The following CCBE1 variants were observed in gnomAD, a reference collection of about 807,000 sequenced individuals.
CCBE1 encodes the protein collagen and calcium-binding EGF domain-containing protein 1.
CCBE1 carries 37 observed loss-of-function variants against 50.0 expected under a neutral mutation model. The ratio of observed to expected loss-of-function variants is 0.74; its 90% CI spans 0.57 to 0.97. CCBE1 has a LOEUF of 0.97. CCBE1 is among the 50% of genes least tolerant of loss of function. The probability of loss-of-function intolerance (pLI) is 0.00; values close to 1 mark genes in which losing one functional copy is unlikely to be tolerated. For synonymous variants in CCBE1, 234 were observed against 203.7 expected (o/e 1.15, Z -1.27); for missense variants, 538 against 523.8 (o/e 1.03, Z -0.26).
intron 2 of CCBE1, among the ~76,000 whole-genome samples, chr18:59,524,383 A>G (rs982456636): frequency 3.9e-5 from 6 of 152,174 alleles, no homozygotes; most frequent in African/African-American, 1.4e-4. Flanking sequence ...TTTATTTTGC[A>G]CTTTGTTTTG....
chr18:59,536,994 A>G (rs1229606373), intron 2 of CCBE1, among the ~76,000 whole-genome samples: 48 of 151,842 alleles, frequency 3.2e-4, no homozygotes, highest in Non-Finnish European at 5.9e-5. Context: ...CTGTCTCAAA[A>G]AAAAAAAAAA....
Position 59,465,979 on chromosome 18 carries a change from TAGA to T in CCBE1, c.553+757_553+759del, listed in dbSNP as rs1416561791. Among the ~76,000 whole-genome samples, 7 of 152,244 alleles carry T rather than the reference TAGA, an allele frequency of 4.6e-5. No individual in the cohort carries two copies. In the East Asian group the frequency reaches 1.4e-3, roughly 29 times the overall value. Reference sequence around the variant, plus strand: ...GGGCATCACTCTTATTCTTTCTCTTTAGAAGGAGTTTGAACTTATATTCTCTTC... The same window carrying T: ...GGGCATCACTCTTATTCTTTCTCTTTAGGAGTTTGAACTTATATTCTCTTC... On this transcript the variant is annotated intron_variant, in intron 5 of 10. Coordinates refer to ENST00000439986, the MANE Select transcript of CCBE1 (RefSeq NM_133459.4).
At chr18:59,646,748 C>T (rs1255380848) in intron 2 of CCBE1, among the ~76,000 whole-genome samples, 1 of 152,230 alleles carries the variant, frequency 6.6e-6, no homozygotes, top group Non-Finnish European at 1.5e-5. Flanking sequence ...CAAAACGGTA[C>T]TTCCCGATGA....
intron 2 of CCBE1, among the ~76,000 whole-genome samples, chr18:59,491,063 G>T (rs1022129480): frequency 6.6e-6 from 1 of 152,112 alleles, no homozygotes; most frequent in Admixed American, 6.5e-5. Flanking sequence ...AAAGACCTGG[G>T]CATTTATTTA....
intron 2 of CCBE1, among the ~76,000 whole-genome samples, chr18:59,495,034 G>C (rs900245214): frequency 6.6e-6 from 1 of 152,192 alleles, no homozygotes. Context: ...CCAGTTACTT[G>C]TGGGGCTGAG....
At chr18:59,664,726 A>T (rs1225909346) in intron 2 of CCBE1, among the ~76,000 whole-genome samples, 1 of 152,200 alleles carries the variant, frequency 6.6e-6, no homozygotes, top group African/African-American at 2.4e-5. Context: ...AAGACAATTC[A>T]GAGGCTGAGA....
chr18:59,657,913 C>G (rs1294923193), intron 2 of CCBE1, among the ~76,000 whole-genome samples: 1 of 151,384 alleles, frequency 6.6e-6, no homozygotes, highest in Non-Finnish European at 1.5e-5. Flanking sequence ...ACAACAGAAA[C>G]AGATACATTA....
chr18:59,473,511 C>T (rs1912136497), intron 3 of CCBE1, among the ~76,000 whole-genome samples: 1 of 152,128 alleles, frequency 6.6e-6, no homozygotes, highest in Non-Finnish European at 1.5e-5. Context: ...CTTACTCCCT[C>T]TGTGTGGAAT....
chr18:59,544,510 C>A (rs751054849), intron 2 of CCBE1, among the ~76,000 whole-genome samples: 2 of 152,184 alleles, frequency 1.3e-5, no homozygotes, highest in Non-Finnish European at 2.9e-5. Context: ...CTCACATGCA[C>A]CCATGTATTG....
At chr18:59,492,856 A>G (rs780615778) in intron 2 of CCBE1, among the ~76,000 whole-genome samples, 1 of 152,228 alleles carries the variant, frequency 6.6e-6, no homozygotes, top group Non-Finnish European at 1.5e-5. Flanking sequence ...ACAACTGTGC[A>G]TGGAGCCCTT....
chr18:59,535,510 T>G (rs1375262512), intron 2 of CCBE1, among the ~76,000 whole-genome samples: 1 of 152,068 alleles, frequency 6.6e-6, no homozygotes, highest in East Asian at 1.9e-4. Flanking sequence ...AAGGTCAAAG[T>G]GTGCACACTA....
At chr18:59,600,811 C>T (rs1409549555) in intron 2 of CCBE1, among the ~76,000 whole-genome samples, 2 of 152,076 alleles carry the variant, frequency 1.3e-5, no homozygotes, top group Non-Finnish European at 2.9e-5. Flanking sequence ...CTTCAGTTAG[C>T]ATCTTCACCT....
rs8085097 is a variant in CCBE1, at chr18:59,589,495, A to C, written c.212+107134T>G. 8.9e-3 allele frequency among the ~76,000 whole-genome samples: 1,352 copies of C among 152,276 alleles called. 18 individuals are homozygous for C. The highest frequency in any genetic ancestry group is 0.03 in the African/African-American group (1,260 of 41,556). On this transcript the variant is annotated intron_variant, in intron 2 of 10. Coordinates refer to ENST00000439986, the MANE Select transcript of CCBE1 (RefSeq NM_133459.4). Reference sequence around the variant, plus strand: ...GACAATAACAGAATACAATCTCATTAAAAATGTTACACACCATGGGCCAGG... The same window carrying C: ...GACAATAACAGAATACAATCTCATTCAAAATGTTACACACCATGGGCCAGG...
At chr18:59,505,619 T>C (rs1392687852) in intron 2 of CCBE1, among the ~76,000 whole-genome samples, 1 of 152,230 alleles carries the variant, frequency 6.6e-6, no homozygotes, top group East Asian at 1.9e-4. Context: ...TGTTACACAA[T>C]TTCATATCTT....
At chr18:59,611,176 A>G (rs1305141935) in intron 2 of CCBE1, among the ~76,000 whole-genome samples, 31 of 152,258 alleles carry the variant, frequency 2.0e-4, no homozygotes, top group Admixed American at 2.0e-3. Flanking sequence ...CAGTCTTAAT[A>G]TCACACTGCA....
chr18:59,643,616 A>C (rs1220179309), intron 2 of CCBE1, among the ~76,000 whole-genome samples: 1 of 152,210 alleles, frequency 6.6e-6, no homozygotes, highest in Non-Finnish European at 1.5e-5. Flanking sequence ...CCAACATGGC[A>C]AAACCCTGCC....
At chr18:59,591,771 C>A (rs1275741047) in intron 2 of CCBE1, among the ~76,000 whole-genome samples, 1 of 152,184 alleles carries the variant, frequency 6.6e-6, no homozygotes, top group African/African-American at 2.4e-5. Flanking sequence ...ACTACAAGTC[C>A]ATTTACCTCT....
chr18:59,439,593 G>C lies in CCBE1; in HGVS notation c.916-15C>G, dbSNP rs1296002762. The stretch of plus-strand genomic sequence containing the variant: ...CCTGGTGGACCCTGTAATACAAAAG[G>C]ATCTGGTTTAACCACAGGCAAAAGC... On this transcript the variant is annotated splice_polypyrimidine_tract_variant and intron_variant, in intron 8 of 10. Coordinates refer to ENST00000439986, the MANE Select transcript of CCBE1 (RefSeq NM_133459.4). 6.2e-7 allele frequency: 1 copy of C among 1,614,234 alleles called. No individual in the cohort carries two copies. The highest frequency in any genetic ancestry group is 2.2e-5 in the East Asian group (1 of 44,890).
At position 59,522,993 on chromosome 18, in the gene CCBE1, C is replaced by CAAAAAAAAAAAAAAAAAAAAAAAAA. The variant is rs57217059; in HGVS notation, c.213-42756_213-42755insTTTTTTTTTTTTTTTTTTTTTTTTT. ...GGCAACAGAGTGAGAGACTCTGTTT[C>CAAAAAAAAAAAAAAAAAAAAAAAAA]AAAAAAAAAAAAAAAAAAAATTCTC... On this transcript the variant is annotated intron_variant, in intron 2 of 10. Coordinates refer to ENST00000439986, the MANE Select transcript of CCBE1 (RefSeq NM_133459.4). Among the ~76,000 whole-genome samples, 22 of 89,220 alleles carry CAAAAAAAAAAAAAAAAAAAAAAAAA rather than the reference C, an allele frequency of 2.5e-4. 1 individual carries two copies. The highest frequency in any genetic ancestry group is 5.2e-4 in the Admixed American group (4 of 7,670). 58.5% of individuals were successfully genotyped at this position (89,220 alleles called of 152,430 possible).
Sources: gnomAD v4.1 joint callset for allele counts (sites outside exome capture counted in the v4.1 genomes callset) on GRCh38, gnomAD v4.1.1 for gene constraint, MANE v1.5 for transcripts, NCBI Gene and HGNC (gene_info 2026-07-23, HGNC 2026-07-21) for gene names.